The following PTPRG variants were observed in gnomAD, a reference collection of about 807,000 sequenced individuals.
PTPRG encodes the protein protein tyrosine phosphatase receptor type G.
A neutral mutation model predicts 165.3 loss-of-function variants in PTPRG; 102 were observed. The observed-to-expected ratio is 0.62, with a 90% CI of 0.53 to 0.73. The LOEUF is 0.73. Ranked by LOEUF, PTPRG falls within the 30% of genes least tolerant of loss-of-function variation. PTPRG has a pLI of 0.00. For synonymous variants in PTPRG, 675 were observed against 669.5 expected, an observed-to-expected ratio of 1.01 and a Z score of -0.13; for missense variants, 1,866 against 1,861.4, an observed-to-expected ratio of 1.00 and a Z score of -0.05.
At chr3:61,947,716 T>G (rs1159330605) in intron 2 of PTPRG, among the ~76,000 whole-genome samples, 1 of 152,204 alleles carries the variant, frequency 6.6e-6, no homozygotes, top group Non-Finnish European at 1.5e-5. Context: ...GCCCCTGGCA[T>G]TACTGGGCTG....
rs143685972 is a variant in PTPRG at position 61,805,357 on chromosome 3, C to G, written c.190+56375C>G. ...TTGATAGTGCCAAGGTTAAGAAACC[C>G]TCCCATAAGGGATGTTTTCTAGGCT... is the stretch of plus-strand genomic sequence containing the variant. On this transcript the variant is annotated intron_variant, in intron 2 of 29. Coordinates refer to ENST00000474889, the MANE Select transcript of PTPRG (RefSeq NM_002841.4). Among the ~76,000 whole-genome samples, 16 of 152,206 alleles carry G rather than the reference C, an allele frequency of 1.1e-4. No individual in the cohort carries two copies. The East Asian group carries it at 3.1e-3, about 29-fold the overall frequency.
chr3:62,064,334 A>AT (rs1700928391), intron 4 of PTPRG, among the ~76,000 whole-genome samples: 1 of 152,124 alleles, frequency 6.6e-6, no homozygotes, highest in African/African-American at 2.4e-5. Flanking sequence ...AACTATACTG[A>AT]GTTGTATGAC....
intron 12 of PTPRG, among the ~76,000 whole-genome samples, chr3:62,215,065 G>C (rs988447121): frequency 2.0e-5 from 3 of 152,170 alleles, no homozygotes; most frequent in Non-Finnish European, 4.4e-5. Context: ...TCACTGATTA[G>C]GTGAGTGTGG....
intron 8 of PTPRG, among the ~76,000 whole-genome samples, chr3:62,185,857 G>C (rs1256731129): frequency 6.6e-6 from 1 of 152,144 alleles, no homozygotes; most frequent in Non-Finnish European, 1.5e-5. Flanking sequence ...CTAGACCCTA[G>C]TCATCCATTT....
intron 1 of PTPRG, among the ~76,000 whole-genome samples, chr3:61,651,111 C>T (rs762856776): frequency 2.8e-4 from 43 of 150,988 alleles, no homozygotes; most frequent in Admixed American, 9.9e-4. Context: ...CTCAATTACA[C>T]GATGTATTTG....
At chr3:61,608,188 C>T (rs200232637) in intron 1 of PTPRG, among the ~76,000 whole-genome samples, 1 of 142,526 alleles carries the variant, frequency 7.0e-6, no homozygotes, top group Non-Finnish European at 1.6e-5. Flanking sequence ...CTTCCTTCTT[C>T]GTACAGAGCC....
intron 4 of PTPRG, among the ~76,000 whole-genome samples, chr3:62,060,387 A>C (rs2106686974): frequency 6.6e-6 from 1 of 152,244 alleles, no homozygotes; most frequent in African/African-American, 2.4e-5. Context: ...AGGTAAATAG[A>C]AAGTCAGTAG....
chr3:62,275,319 T>C (rs1702195664), intron 23 of PTPRG, among the ~76,000 whole-genome samples: 1 of 147,146 alleles, frequency 6.8e-6, no homozygotes, highest in Admixed American at 7.0e-5. Context: ...GCAATCTTTT[T>C]TAATGTAGAC....
chr3:62,148,485 C>T (rs1042655589), intron 6 of PTPRG, among the ~76,000 whole-genome samples: 2 of 152,124 alleles, frequency 1.3e-5, no homozygotes, highest in Non-Finnish European at 2.9e-5. Flanking sequence ...AGAGGCTGGG[C>T]GTGGGTGCCC....
At chr3:61,674,253 TGTTGCCTTGA>T (rs1450262129) in intron 1 of PTPRG, among the ~76,000 whole-genome samples, 1 of 151,938 alleles carries the variant, frequency 6.6e-6, no homozygotes, top group Non-Finnish European at 1.5e-5. Context: ...GACATGTTAA[TGTTGCCTTGA>T]GTAGAAAGAT....
At chr3:62,040,452 G>T (rs904512039) in intron 4 of PTPRG, among the ~76,000 whole-genome samples, 1 of 152,122 alleles carries the variant, frequency 6.6e-6, no homozygotes, top group African/African-American at 2.4e-5. Flanking sequence ...GAAGTTGCAC[G>T]TGAGTCCAGT....
At chr3:62,269,888 A>G (rs1006725536) in intron 20 of PTPRG, among the ~76,000 whole-genome samples, 2 of 152,164 alleles carry the variant, frequency 1.3e-5, no homozygotes, top group Non-Finnish European at 2.9e-5. Flanking sequence ...ACTGAAGCCT[A>G]TTTATAACAA....
At chr3:61,747,259 G>T (rs752954079) in intron 1 of PTPRG, among the ~76,000 whole-genome samples, 2 of 152,046 alleles carry the variant, frequency 1.3e-5, no homozygotes, top group Non-Finnish European at 2.9e-5. Flanking sequence ...GGAAATTGAG[G>T]CTCAACCACA....
At chr3:61,871,576 C>T (rs910163885) in intron 2 of PTPRG, among the ~76,000 whole-genome samples, 1 of 152,096 alleles carries the variant, frequency 6.6e-6, no homozygotes, top group Non-Finnish European at 1.5e-5. Context: ...AAAGTTCATC[C>T]TCTGGGCCCT....
intron 2 of PTPRG, among the ~76,000 whole-genome samples, chr3:61,936,707 T>C (rs146549319): frequency 0.013 from 1,918 of 152,322 alleles, 20 homozygotes; most frequent in Admixed American, 0.017. Flanking sequence ...TTCCTAACAC[T>C]GTGAGGGCTT....
intron 8 of PTPRG, among the ~76,000 whole-genome samples, chr3:62,169,421 C>T (rs1333159728): frequency 2.0e-5 from 3 of 152,012 alleles, no homozygotes; most frequent in Non-Finnish European, 2.9e-5. Flanking sequence ...CAGTTTAACC[C>T]CGGTATCTGA....
At chr3:62,075,589 T>C (rs537475854) in intron 4 of PTPRG, among the ~76,000 whole-genome samples, 1 of 152,334 alleles carries the variant, frequency 6.6e-6, no homozygotes, top group South Asian at 2.1e-4. Flanking sequence ...CCTTCTCCCA[T>C]GTACTTAGGT....
chr3:61,638,994 A>G (rs954836500), intron 1 of PTPRG, among the ~76,000 whole-genome samples: 16 of 152,078 alleles, frequency 1.1e-4, no homozygotes, highest in African/African-American at 3.9e-4. Context: ...TCCAAGGCTG[A>G]TGTTTATAAT....
At chr3:62,169,150 T>C (rs951932599) in intron 8 of PTPRG, among the ~76,000 whole-genome samples, 13 of 152,082 alleles carry the variant, frequency 8.5e-5, no homozygotes, top group Admixed American at 2.0e-4. Context: ...AAAGGCAACT[T>C]TTGGTCATGA....
Sources: gnomAD v4.1 joint callset for allele counts (sites outside exome capture counted in the v4.1 genomes callset) on GRCh38, gnomAD v4.1.1 for gene constraint, MANE v1.5 for transcripts, NCBI Gene and HGNC (gene_info 2026-07-23, HGNC 2026-07-21) for gene names.